Variants in DLG2 observed in about 807,000 individuals in gnomAD.
DLG2 encodes the protein discs large MAGUK scaffold protein 2.
DLG2 carries 45 observed loss-of-function variants against 132.5 expected under a neutral mutation model. That is an observed-to-expected ratio of 0.34 (90% CI 0.27 to 0.44). The LOEUF (loss-of-function observed/expected upper bound fraction) is 0.44. Ranked by LOEUF, DLG2 falls within the 20% of genes least tolerant of loss-of-function variation. DLG2 has a pLI of 1.00. For synonymous variants in DLG2, 424 were observed against 419.6 expected (o/e 1.01, Z -0.13); for missense variants, 1,045 against 1,196.9 (o/e 0.87, Z 1.87).
chr11:83,861,227 T>A (rs2061404697), intron 16 of DLG2, among the ~76,000 whole-genome samples: 2 of 152,162 alleles, frequency 1.3e-5, no homozygotes, highest in South Asian at 2.1e-4. Context: ...GACAGGCAGT[T>A]TCAAATACTG....
chr11:85,258,297 A>G (rs1228135420), intron 4 of DLG2, among the ~76,000 whole-genome samples: 4 of 152,198 alleles, frequency 2.6e-5, no homozygotes, highest in Non-Finnish European at 5.9e-5. Flanking sequence ...ATTGAAAAGA[A>G]TAATCTTGTG....
intron 6 of DLG2, among the ~76,000 whole-genome samples, chr11:84,830,827 T>A (rs2078941943): frequency 6.6e-6 from 1 of 151,518 alleles, no homozygotes; most frequent in Non-Finnish European, 1.5e-5. Flanking sequence ...AAGATAATAT[T>A]TAGCCTGGCC....
chr11:85,579,170 G>A (rs1195578468), intron 3 of DLG2, among the ~76,000 whole-genome samples: 1 of 152,152 alleles, frequency 6.6e-6, no homozygotes, highest in East Asian at 1.9e-4. Flanking sequence ...ACTTATAAGT[G>A]AGAGCTAAAT....
chr11:83,580,655 CT>C (rs2096954695), intron 19 of DLG2, among the ~76,000 whole-genome samples: 1 of 152,188 alleles, frequency 6.6e-6, no homozygotes. Flanking sequence ...TATTTGTCTA[CT>C]TAGTACCACT....
At chr11:84,021,694 G>T (rs2095399002) in intron 11 of DLG2, among the ~76,000 whole-genome samples, 1 of 151,998 alleles carries the variant, frequency 6.6e-6, no homozygotes, top group East Asian at 1.9e-4. Context: ...TTACATATTA[G>T]CGAATTTTTT....
chr11:83,770,438 A>G (rs549041299), intron 18 of DLG2, among the ~76,000 whole-genome samples: 4 of 152,226 alleles, frequency 2.6e-5, no homozygotes, highest in Non-Finnish European at 5.9e-5. Flanking sequence ...AGGATGAAAC[A>G]TCAAGGCCTG....
At chr11:84,508,496 G>C (rs1410323497) in intron 7 of DLG2, among the ~76,000 whole-genome samples, 1 of 150,088 alleles carries the variant, frequency 6.7e-6, no homozygotes, top group Admixed American at 6.7e-5. Context: ...TCCGTCTCCC[G>C]GGTTCAAGCC....
chr11:84,523,072 T>C (rs2099309424), intron 7 of DLG2, among the ~76,000 whole-genome samples: 1 of 152,222 alleles, frequency 6.6e-6, no homozygotes, highest in Non-Finnish European at 1.5e-5. Flanking sequence ...AGTGTAAAAC[T>C]ATTCTCTGAA....
chr11:84,597,900 A>G (rs1312725007), intron 6 of DLG2, among the ~76,000 whole-genome samples: 3 of 152,306 alleles, frequency 2.0e-5, no homozygotes, highest in South Asian at 2.1e-4. Context: ...CTAATTAGCA[A>G]ATTACAGGAA....
intron 5 of DLG2, among the ~76,000 whole-genome samples, chr11:85,134,208 A>T (rs1594721118): frequency 6.6e-6 from 1 of 152,098 alleles, no homozygotes; most frequent in Non-Finnish European, 1.5e-5. Flanking sequence ...TTATCTCCTC[A>T]GGATACTGGC....
intron 6 of DLG2, among the ~76,000 whole-genome samples, chr11:84,827,030 A>G (rs2078409238): frequency 6.6e-6 from 1 of 151,774 alleles, no homozygotes; most frequent in South Asian, 2.1e-4. Context: ...ACTATCTTCA[A>G]TATAGCTGGC....
At chr11:85,216,778 C>A (rs1182549037) in intron 4 of DLG2, among the ~76,000 whole-genome samples, 1 of 151,956 alleles carries the variant, frequency 6.6e-6, no homozygotes, top group Non-Finnish European at 1.5e-5. Context: ...CTCACGGCAA[C>A]CTCCACCTCC....
intron 18 of DLG2, among the ~76,000 whole-genome samples, chr11:83,783,913 T>C (rs1327518699): frequency 6.6e-6 from 1 of 152,166 alleles, no homozygotes; most frequent in Non-Finnish European, 1.5e-5. Context: ...GGAACTATAC[T>C]CTATTAAATG....
chr11:84,748,090 C>G (rs1252735977), intron 6 of DLG2, among the ~76,000 whole-genome samples: 1 of 152,206 alleles, frequency 6.6e-6, no homozygotes, highest in Non-Finnish European at 1.5e-5. Context: ...AGACACCTGA[C>G]AGGGCAACAT....
intron 6 of DLG2, among the ~76,000 whole-genome samples, chr11:84,862,626 A>C (rs2083895563): frequency 6.6e-6 from 1 of 152,172 alleles, no homozygotes; most frequent in Non-Finnish European, 1.5e-5. Flanking sequence ...GACACCATAG[A>C]ATAGCATGCA....
At chr11:84,876,115 G>T (rs903862036) in intron 6 of DLG2, among the ~76,000 whole-genome samples, 1 of 152,078 alleles carries the variant, frequency 6.6e-6, no homozygotes, top group African/African-American at 2.4e-5. Flanking sequence ...TGTTTTAGAT[G>T]AAGCCCTTGA....
chr11:84,607,889 T>C (rs140179151), intron 6 of DLG2, among the ~76,000 whole-genome samples: 7 of 152,224 alleles, frequency 4.6e-5, no homozygotes, highest in Middle Eastern at 3.4e-3. Context: ...CCAACATCCT[T>C]TGTCCTCTGA....
At chr11:84,271,852 A>T (rs1051638164) in intron 7 of DLG2, among the ~76,000 whole-genome samples, 5 of 152,140 alleles carry the variant, frequency 3.3e-5, no homozygotes, top group African/African-American at 9.6e-5. Flanking sequence ...GCACACAAGA[A>T]ATCAAGAAGG....
chr11:84,498,094 C>T (rs895223168), intron 7 of DLG2, among the ~76,000 whole-genome samples: 20 of 152,148 alleles, frequency 1.3e-4, no homozygotes, highest in African/African-American at 3.1e-4. Context: ...GGATAGTCAC[C>T]GCCTATCTAT....
Sources: gnomAD v4.1 joint callset for allele counts (sites outside exome capture counted in the v4.1 genomes callset) on GRCh38, gnomAD v4.1.1 for gene constraint, MANE v1.5 for transcripts, NCBI Gene and HGNC (gene_info 2026-07-23, HGNC 2026-07-21) for gene names.